The following TRIP10 variants were observed in gnomAD, a reference collection of about 807,000 sequenced individuals.
The protein encoded by TRIP10 is cdc42-interacting protein 4.
In TRIP10, 54 loss-of-function variants were observed where a neutral mutation model predicts 80.9. The ratio of observed to expected loss-of-function variants is 0.67; its 90% CI spans 0.54 to 0.84. The LOEUF (loss-of-function observed/expected upper bound fraction) is 0.84, where lower values mean the gene tolerates loss of function less well. Ranked by LOEUF, TRIP10 falls within the 40% of genes least tolerant of loss-of-function variation. TRIP10 has a pLI of 0.00. For missense variants in TRIP10, 773 were observed against 815.3 expected, an observed-to-expected ratio of 0.95 and a Z score of 0.63; for synonymous variants, 321 against 307.2, an observed-to-expected ratio of 1.04 and a Z score of -0.47.
intron 12 of TRIP10, 106 bp from the exon 13 acceptor site, chr19:6,750,186 A>C: frequency 6.4e-7 from 1 of 1,573,182 alleles, no homozygotes. Flanking sequence ...GCTGTTTTCC[A>C]TCACAGCCTT....
rs372723746 is a variant in TRIP10, at chr19:6,744,763, G to C, written c.790-37G>C. 7.7e-4 allele frequency: 1,230 copies of C among 1,598,518 alleles called. 11 individuals carry two copies. The highest frequency in any genetic ancestry group is 7.6e-3 in the South Asian group (669 of 88,218). On this transcript the variant is annotated intron_variant, in intron 8 of 14. Transcript: ENST00000313244. This position sits in a 1 kb window ranked among gnomAD's most constrained non-coding sequence, Gnocchi z 4.9. ...GGCAGAGGGAGGTACCCATAGGCTA[G>C]GCACTCGACTGCTCATCCACTGTCC...
chr19:6,743,520 C>T lies in TRIP10; in HGVS notation c.435C>T (p.Cys145=). 1 of 1,612,046 alleles carries T rather than the reference C, an allele frequency of 6.2e-7. No homozygotes were observed. Among genetic ancestry groups the T allele is most frequent in the Non-Finnish European group, 8.5e-7 (1 of 1,179,216 alleles). The change falls in exon 6 of 15, where the codon TGC becomes TGT. Residue 145 remains cysteine, a synonymous_variant. Transcript: ENST00000313244. ...GTAAGCGTAAATTTGAGCGGGACTG[C>T]CGGGAGGCAGAGAAGGCAGCCCAGA... ...ENSKRKFERD[C]REAEKAAQTA... is the part of the protein sequence containing the mutation.
chr19:6,744,666 T>C lies in TRIP10; in HGVS notation c.755T>C (p.Met252Thr), dbSNP rs1221478993. The part of the protein sequence containing the change: ...VPIIAKCLEG[M>T]KVAANAVDPK... ...ATAATAGCCAAGTGCTTGGAGGGCA[T>C]GAAGGTGGCTGCAAATGCTGTGGAT... Residue 252 changes from methionine (M) to threonine (T), a missense_variant, in exon 8 of 15, where the codon ATG becomes ACG. Met to Thr is a moderately conservative substitution (Grantham distance 81). Transcript: ENST00000313244. This position sits in a 1 kb window ranked among gnomAD's most constrained non-coding sequence, Gnocchi z 4.9. 7.5e-6 allele frequency: 12 copies of C among 1,609,568 alleles called. No homozygotes were observed. The highest frequency in any genetic ancestry group is 2.2e-5 in the East Asian group (1 of 44,808).
At position 6,744,619 on chromosome 19, in the gene TRIP10, G is replaced by C; in HGVS notation, c.708G>C (p.Glu236Asp). 1 of 1,613,938 alleles carries C rather than the reference G, an allele frequency of 6.2e-7. No individual in the cohort carries two copies. The highest frequency in any genetic ancestry group is 8.5e-7 in the Non-Finnish European group (1 of 1,179,924). The change falls in exon 8 of 15, where the codon GAG becomes GAC. Residue 236 changes from glutamate to aspartate, a missense_variant. Transcript: ENST00000313244. The surrounding 1 kb of genome is among the most constrained non-coding windows in gnomAD (Gnocchi z 4.9). Reference protein sequence around the residue: ...RLGAGYGLLSEAELEVVPIIA... With the variant: ...RLGAGYGLLSDAELEVVPIIA... ...GTGCCGGGTATGGGCTCCTGTCGGAGGCCGAGCTGGAGGTGGTGCCCATAA... is the reference window on the plus strand; with the variant it reads ...GTGCCGGGTATGGGCTCCTGTCGGACGCCGAGCTGGAGGTGGTGCCCATAA...
chr19:6,747,820 A>G (rs979678454), intron 11 of TRIP10, among the ~76,000 whole-genome samples: 8 of 151,238 alleles, frequency 5.3e-5, no homozygotes, highest in African/African-American at 1.9e-4. Context: ...ATAATAATAC[A>G]TTAGCCGAGC....
Position 6,745,021 on chromosome 19 carries a change from G to C in TRIP10, c.984+27G>C, listed in dbSNP as rs755752813. Reference sequence around the variant, plus strand: ...TGGGGGCCGGGACCCTTGGGATGGTGGGGGAGAAGGACAGTGAAGTGGGGA... The same window carrying C: ...TGGGGGCCGGGACCCTTGGGATGGTCGGGGAGAAGGACAGTGAAGTGGGGA... On this transcript the variant is annotated intron_variant, in intron 9 of 14. Coordinates refer to ENST00000313244, the MANE Select transcript of TRIP10 (RefSeq NM_001288962.2). The surrounding 1 kb of genome is among the most constrained non-coding windows in gnomAD (Gnocchi z 7.2). The C allele has an allele frequency of 2.5e-6, 4 of 1,605,850 alleles. No homozygotes were observed. In the African/African-American group the frequency reaches 5.3e-5, roughly 21 times the overall value.
At chr19:6,750,718 T>C (rs1969268527) in intron 14 of TRIP10, 85 bp downstream of exon 14, 1 of 1,559,074 alleles carries the variant, frequency 6.4e-7, no homozygotes, top group Non-Finnish European at 8.7e-7. Context: ...AAAGCAGGGC[T>C]GGGCGGGTGG....
chr19:6,742,668 G>C (rs1968955328), intron 3 of TRIP10, among the ~76,000 whole-genome samples: 1 of 151,744 alleles, frequency 6.6e-6, no homozygotes, highest in Non-Finnish European at 1.5e-5. Flanking sequence ...TGTGGTCCCA[G>C]CTATTTGGGA....
intron 1 of TRIP10, 102 bp from the exon 2 acceptor site, chr19:6,740,908 C>G: frequency 9.5e-7 from 1 of 1,048,992 alleles, no homozygotes; most frequent in East Asian, 2.4e-5. Flanking sequence ...TCTAGGAGCG[C>G]AGAGCCTTGG....
Position 6,743,609 on chromosome 19 carries a change from C to T in TRIP10, c.513+11C>T, listed in dbSNP as rs376687599. 1.1e-3 allele frequency: 471 copies of T among 423,164 alleles called. No homozygotes were observed. Among genetic ancestry groups the T allele is most frequent in the Non-Finnish European group, 1.5e-3 (439 of 289,950 alleles). The allele number at this position is 423,164 out of a possible 1,614,324, so 26.2% of individuals were successfully genotyped here. On this transcript the variant is annotated intron_variant, in intron 6 of 14. Transcript: ENST00000313244. ...GCTGATGTGGAGAAGGTGTGTGTGG[C>T]GGGGGCGGGGGGGGGGTGCGGGGTC...
chr19:6,746,312 A>T lies in TRIP10; in HGVS notation c.1152+116A>T. 2.7e-6 allele frequency: 4 copies of T among 1,502,392 alleles called. No homozygotes were observed. The highest frequency in any genetic ancestry group is 2.7e-6 in the Non-Finnish European group (3 of 1,117,396). 93.1% of individuals were successfully genotyped at this position (1,502,392 alleles called of 1,614,324 possible). A position where few individuals can be genotyped will look rare whatever the true frequency, so the allele number is the denominator to read the frequency against. On this transcript the variant is annotated intron_variant, in intron 10 of 14. Coordinates refer to ENST00000313244, the MANE Select transcript of TRIP10 (RefSeq NM_001288962.2). This position sits in a 1 kb window ranked among gnomAD's most constrained non-coding sequence, Gnocchi z 6.2. ...TGGGCCCCTCTTCCCTGGTTGCCCAACCCAGACCTGCTTTGCTCTGTGCAT... is the reference window on the plus strand; with the variant it reads ...TGGGCCCCTCTTCCCTGGTTGCCCATCCCAGACCTGCTTTGCTCTGTGCAT...
Position 6,744,496 on chromosome 19 carries a change from C to T in TRIP10, c.643-58C>T, listed in dbSNP as rs571137417. ...GCGATCATATTTGCAGAGTGAATCACTGTGCTTCTAGTCCCTCTGTTAGCA... is the reference window on the plus strand; with the variant it reads ...GCGATCATATTTGCAGAGTGAATCATTGTGCTTCTAGTCCCTCTGTTAGCA... On this transcript the variant is annotated intron_variant, in intron 7 of 14. Transcript: ENST00000313244. The surrounding 1 kb of genome is among the most constrained non-coding windows in gnomAD (Gnocchi z 4.9). The T allele has an allele frequency of 4.9e-5, 78 of 1,606,446 alleles. No homozygotes were observed. The highest frequency in any genetic ancestry group is 6.3e-5 in the Non-Finnish European group (74 of 1,177,192).
intron 14 of TRIP10, 99 bp from the exon 15 acceptor site, chr19:6,750,964 C>A (rs1232004845): frequency 1.4e-6 from 2 of 1,415,560 alleles, no homozygotes; most frequent in Non-Finnish European, 9.3e-7. Context: ...CCACTGCACT[C>A]CAGCCTGGGC....
chr19:6,743,463 C>T, intron 5 of TRIP10, 31 bp from the exon 6 acceptor site: 3 of 1,607,020 alleles, frequency 1.9e-6, no homozygotes, highest in African/African-American at 1.3e-5. Context: ...GGGATGGTGG[C>T]TCCCTCACTC....
Position 6,743,213 on chromosome 19 carries a change from G to C in TRIP10, c.365G>C (p.Arg122Pro), listed in dbSNP as rs140367724. 2.5e-6 allele frequency: 4 copies of C among 1,614,088 alleles called. No homozygotes were observed. Among genetic ancestry groups the C allele is most frequent in the Non-Finnish European group, 3.4e-6 (4 of 1,180,020 alleles). ...CTGTAGCACTTCCAAGAAGGGCGGC[G>C]GGCCCAGCAGCAGCTGGAAAATGGC... ...ERKMHFQEGR[R>P]AQQQLENGFK... Residue 122 changes from arginine to proline, a missense_variant, in exon 5 of 15, where the codon CGG becomes CCG. Transcript: ENST00000313244.
intron 12 of TRIP10, 71 bp downstream of exon 12, chr19:6,750,137 G>A (rs1348739150): frequency 6.7e-7 from 1 of 1,498,172 alleles, no homozygotes; most frequent in Non-Finnish European, 9.0e-7. Context: ...GGGGTGGGGG[G>A]TCGGGGACAG....
Position 6,744,901 on chromosome 19 carries a change from C to G in TRIP10, c.891C>G (p.Asp297Glu). The G allele has an allele frequency of 6.2e-7, 1 of 1,614,230 alleles. No homozygotes were observed. The highest frequency in any genetic ancestry group is 1.1e-5 in the South Asian group (1 of 91,090). The stretch of plus-strand genomic sequence containing the variant: ...AGCCCATGAACCGTGCACCCTCCGA[C>G]AGCAGTCTGGGCACCCCCTCGGATG... Reference protein sequence around the residue: ...FSQPMNRAPSDSSLGTPSDGR... With the variant: ...FSQPMNRAPSESSLGTPSDGR... The change falls in exon 9 of 15, where the codon GAC (aspartate) becomes GAG (glutamate). Residue 297 changes from aspartate to glutamate, a missense_variant. Asp to Glu is a conservative substitution (Grantham distance 45). Transcript: ENST00000313244. This position sits in a 1 kb window ranked among gnomAD's most constrained non-coding sequence, Gnocchi z 4.9.
In TRIP10 at chr19:6,751,507, A is replaced by T. The variant is rs1053636483; in HGVS notation, c.*296A>T. ...GGGAAAAAAAAAAAAGAAATTATAT[A>T]AAGTTCCTAGAGTCGGTGTCTTATT... On this transcript the variant is annotated 3_prime_UTR_variant, in exon 15 of 15. Coordinates refer to ENST00000313244, the MANE Select transcript of TRIP10 (RefSeq NM_001288962.2). 1 of 615,566 alleles carries T rather than the reference A, an allele frequency of 1.6e-6. No homozygotes were observed. Among genetic ancestry groups the T allele is most frequent in the Non-Finnish European group, 2.4e-6 (1 of 408,692 alleles). 38.1% of individuals were successfully genotyped at this position (615,566 alleles called of 1,614,324 possible). A position where few individuals can be genotyped will look rare whatever the true frequency, so the allele number is the denominator to read the frequency against.
In TRIP10 at chr19:6,749,921, TC is replaced by T. The variant is rs773910877; in HGVS notation, c.1263-10del. 13 of 1,611,754 alleles carry T rather than the reference TC, an allele frequency of 8.1e-6. No individual in the cohort carries two copies. The highest frequency in any genetic ancestry group is 1.1e-5 in the Non-Finnish European group (13 of 1,179,074). ...AGTATGTTTTCCTGTCTATCCTGTC[TC>T]CCTTGTCATAGGGAAGCCCTAAAGA... On this transcript the variant is annotated splice_polypyrimidine_tract_variant and intron_variant, in intron 11 of 14. Coordinates refer to ENST00000313244, the MANE Select transcript of TRIP10 (RefSeq NM_001288962.2).
Sources: allele counts gnomAD v4.1 joint callset (sites outside exome capture counted in the v4.1 genomes callset), GRCh38; gene constraint gnomAD v4.1.1; non-coding constraint Gnocchi (gnomAD v3.1); transcripts MANE v1.5; gene names NCBI Gene and HGNC (gene_info 2026-07-23, HGNC 2026-07-21).